NLRP1: variants seen among roughly 807,000 people sequenced by gnomAD.
The protein encoded by NLRP1 is NACHT, LRR and PYD domains-containing protein 1.
In NLRP1, 94 loss-of-function variants were observed where a neutral mutation model predicts 136.7. That is an observed-to-expected ratio of 0.69 (90% CI 0.58 to 0.82). The LOEUF is 0.82. Ranked by LOEUF, NLRP1 falls within the 40% of genes least tolerant of loss-of-function variation. NLRP1 has a pLI of 0.00. For missense variants in NLRP1, 1,575 were observed against 1,802.7 expected, an observed-to-expected ratio of 0.87 and a Z score of 2.29; for synonymous variants, 690 against 725.1, an observed-to-expected ratio of 0.95 and a Z score of 0.78.
intron 6 of NLRP1, among the ~76,000 whole-genome samples, chr17:5,540,162 TA>T (rs1301140551): frequency 1.3e-5 from 2 of 152,232 alleles, no homozygotes; most frequent in East Asian, 3.8e-4. Context: ...TGGCTGCTCA[TA>T]ATAGGCGATG....
chr17:5,530,531 T>A lies in NLRP1; in HGVS notation c.3470A>T (p.Glu1157Val). 1.2e-6 allele frequency: 2 copies of A among 1,614,172 alleles called. No individual in the cohort carries two copies. The highest frequency in any genetic ancestry group is 1.7e-6 in the Non-Finnish European group (2 of 1,180,024). ...VAGPLLDIKA[E>V]PGAVEAVHLP... is the part of the protein sequence containing the mutation. ...GTGCACAGCTTCCACAGCTCCAGGC[T>A]CAGCCTTGATGTCCAGCAGAGGCCC... The change falls in exon 12 of 17, where the codon GAG becomes GTG. Residue 1157 changes from glutamate to valine, a missense_variant. Physicochemically the swap from Glu to Val is moderately radical, Grantham distance 121 (BLOSUM62 -2). Coordinates refer to ENST00000572272, the MANE Select transcript of NLRP1 (RefSeq NM_033004.4).
chr17:5,542,206 ATAGT>A (rs67154791), intron 5 of NLRP1, among the ~76,000 whole-genome samples, 179 bp from the exon 6 acceptor site: 7,173 of 149,956 alleles, frequency 0.048, 199 homozygotes, highest in Middle Eastern at 0.086. Context: ...GAAACACATA[ATAGT>A]TAGTTTTTTG....
At chr17:5,566,794 A>C (rs1429331149) in intron 3 of NLRP1, among the ~76,000 whole-genome samples, 1 of 152,008 alleles carries the variant, frequency 6.6e-6, no homozygotes, top group East Asian at 1.9e-4. Context: ...ATTGAGGCCT[A>C]TCTCTCTCTT....
Position 5,530,608 on chromosome 17 carries a change from C to G in NLRP1, c.3393G>C (p.Val1131=). The G allele has an allele frequency of 6.2e-7, 1 of 1,614,238 alleles. No homozygotes were observed. The highest frequency in any genetic ancestry group is 8.5e-7 in the Non-Finnish European group (1 of 1,180,042). The change falls in exon 12 of 17, where the codon GTG becomes GTC. Residue 1131 remains valine, a synonymous_variant. Transcript: ENST00000572272. ...EAVTVEIEFC[V]WDQFLGEINP... ...TGATCTCACCCAGGAACTGGTCCCA[C>G]ACACAGAATTCAATCTCAACGGTCA...
At chr17:5,533,258 G>C (rs1376621979) in intron 10 of NLRP1, 46 bp downstream of exon 10, 9 of 1,551,480 alleles carry the variant, frequency 5.8e-6, no homozygotes, top group Non-Finnish European at 7.8e-6. Context: ...GGTTGAGAGA[G>C]AACATGGTTC....
At chr17:5,521,073 T>C in intron 13 of NLRP1, 61 bp from the exon 14 acceptor site, 3 of 1,493,552 alleles carry the variant, frequency 2.0e-6, no homozygotes, top group East Asian at 2.3e-5. Context: ...GTGGTTTGAA[T>C]AGGGGGGATG....
rs199684717 is a variant in NLRP1, at chr17:5,506,902, CAAAA to C, written c.4070-5034_4070-5031del. ...GGGCAACAAGAGCAAAACTCCATCT[CAAAA>C]AAAAAAAAAAAAAAAAAAAAATTCT... On this transcript the variant is annotated intron_variant, in intron 15 of 15. Coordinates refer to the NLRP1 transcript ENST00000262467. Among the ~76,000 whole-genome samples the C allele has an allele frequency of 6.4e-4, 57 of 88,802 alleles. No homozygotes were observed. In the East Asian group the frequency reaches 0.015, roughly 23 times the overall value. 58.3% of individuals were successfully genotyped at this position (88,802 alleles called of 152,430 possible). A position where few individuals can be genotyped will look rare whatever the true frequency, so the allele number is the denominator to read the frequency against.
intron 12 of NLRP1, among the ~76,000 whole-genome samples, chr17:5,526,727 T>A (rs1909596305): frequency 6.6e-6 from 1 of 152,198 alleles, no homozygotes; most frequent in Admixed American, 6.5e-5. Flanking sequence ...GTTTCATGTT[T>A]GGTGGTCTTG....
intron 3 of NLRP1, among the ~76,000 whole-genome samples, chr17:5,570,348 C>T (rs771384363): frequency 1.3e-5 from 2 of 149,544 alleles, no homozygotes; most frequent in Admixed American, 6.7e-5. Context: ...TAAATAAGAT[C>T]GATAGACCAC....
intron 12 of NLRP1, among the ~76,000 whole-genome samples, chr17:5,523,196 G>A (rs368217373): frequency 1.3e-5 from 2 of 152,130 alleles, no homozygotes; most frequent in South Asian, 2.1e-4. Context: ...TGAGGTGGGC[G>A]GATCACTTGA....
chr17:5,559,658 C>T lies in NLRP1; in HGVS notation c.1038G>A (p.Gln346=), dbSNP rs990299641. ...AGIGKSTLAR[Q]VKEAWGRGQL... is the part of the protein sequence containing the mutation. ...GGCCTCTCCCCCAGGCTTCCTTCAC[C>T]TGCCTGGCCAGTGTTGACTTCCCAA... The change falls in exon 4 of 17, where the codon CAG becomes CAA. Residue 346 remains glutamine (Q), a synonymous_variant. Transcript: ENST00000572272. 3.1e-6 allele frequency: 5 copies of T among 1,614,140 alleles called. No homozygotes were observed. Among genetic ancestry groups the T allele is most frequent in the Middle Eastern group, 1.6e-4 (1 of 6,084 alleles).
In NLRP1 at chr17:5,552,698, C is replaced by T. The variant is rs550094221; in HGVS notation, c.2528+688G>A. On this transcript the variant is annotated intron_variant, in intron 5 of 16. Transcript: ENST00000572272. ...CTTTTATAGCTCTCTTACATCTAGCCACTTTGTTCCATATCCATTGCCAAT... is the reference window on the plus strand; with the variant it reads ...CTTTTATAGCTCTCTTACATCTAGCTACTTTGTTCCATATCCATTGCCAAT... Among the ~76,000 whole-genome samples, 3 of 152,290 alleles carry T rather than the reference C, an allele frequency of 2.0e-5. No homozygotes were observed. The South Asian group carries it at 6.2e-4, about 32-fold the overall frequency.
intron 10 of NLRP1, 61 bp downstream of exon 10, chr17:5,533,243 G>A (rs1253555623): frequency 6.4e-7 from 1 of 1,550,420 alleles, no homozygotes. Flanking sequence ...ATGCCCAGGT[G>A]GGCAGGTTGA....
chr17:5,566,321 CTT>C (rs1915328921), intron 3 of NLRP1, among the ~76,000 whole-genome samples: 2 of 151,796 alleles, frequency 1.3e-5, no homozygotes, highest in African/African-American at 4.8e-5. Context: ...AAACTTCTCT[CTT>C]AATATATCCC....
intron 15 of NLRP1, chr17:5,502,106 C>A (rs990948481): frequency 1.3e-4 from 60 of 475,374 alleles, no homozygotes; most frequent in African/African-American, 1.1e-3. Flanking sequence ...CTTGCATGGC[C>A]AGAGCCTACT....
intron 3 of NLRP1, among the ~76,000 whole-genome samples, chr17:5,564,027 C>A (rs933796966): frequency 6.6e-6 from 1 of 152,068 alleles, no homozygotes; most frequent in African/African-American, 2.4e-5. Flanking sequence ...CCAATAATTT[C>A]TTTTCTTTTT....
rs755517635 is a variant in NLRP1 at position 5,559,155 on chromosome 17, C to A, written c.1541G>T (p.Trp514Leu). 6.0e-5 allele frequency: 97 copies of A among 1,614,044 alleles called. 2 individuals are homozygous for A. In the Admixed American group the frequency reaches 8.8e-4, roughly 15 times the overall value. ...FRLVKSNKEL[W>L]ALCLVPWVSW... Reference sequence around the variant, plus strand: ...CACCCAGGGCACAAGACACAGGGCCCAGAGCTCTTTGTTTGATTTGACCAA... The same window carrying A: ...CACCCAGGGCACAAGACACAGGGCCAAGAGCTCTTTGTTTGATTTGACCAA... Residue 514 changes from tryptophan to leucine, a missense_variant, in exon 4 of 17, where the codon TGG becomes TTG. Trp to Leu is a moderately conservative substitution (Grantham distance 61). Transcript: ENST00000572272.
At position 5,514,697 on chromosome 17, in the gene NLRP1, C is replaced by A. The variant is rs1907858844; in HGVS notation, c.*57G>T. 6.3e-7 allele frequency: 1 copy of A among 1,592,588 alleles called. No individual in the cohort carries two copies. The highest frequency in any genetic ancestry group is 8.6e-7 in the Non-Finnish European group (1 of 1,166,598). ...TTGTTTGCAGAGAAAGAAACTGAGA[C>A]CCAAAGAAGGGTCAGCCAAAGCCAG... On this transcript the variant is annotated 3_prime_UTR_variant, in exon 17 of 17. Coordinates refer to ENST00000572272, the MANE Select transcript of NLRP1 (RefSeq NM_033004.4).
Position 5,540,277 on chromosome 17 carries a change from T to C in NLRP1, c.2700-692A>G, listed in dbSNP as rs62072732. On this transcript the variant is annotated intron_variant, in intron 6 of 16. Transcript: ENST00000572272. ...GATGTGGGACCATCTCCAAGATATA[T>C]TTTAACTGATAAAGCAAAGTGCAGG... Among the ~76,000 whole-genome samples, 383 of 152,340 alleles carry C rather than the reference T, an allele frequency of 2.5e-3. 1 individual carries two copies. The highest frequency in any genetic ancestry group is 4.2e-3 in the Non-Finnish European group (287 of 68,034).
Sources: allele counts gnomAD v4.1 joint callset (sites outside exome capture counted in the v4.1 genomes callset), GRCh38; gene constraint gnomAD v4.1.1; transcripts MANE v1.5; gene names NCBI Gene and HGNC (gene_info 2026-07-23, HGNC 2026-07-21).